The following REV1 variants were observed in gnomAD, a reference collection of about 807,000 sequenced individuals.
REV1 encodes translesion synthesis protein REV1.
A neutral mutation model predicts 137.4 loss-of-function variants in REV1; 42 were observed. That is an observed-to-expected ratio of 0.31 (90% confidence interval 0.24 to 0.40). The LOEUF (loss-of-function observed/expected upper bound fraction) is 0.40. Ranked by LOEUF, REV1 falls within the 10% of genes least tolerant of loss-of-function variation. REV1 has a pLI of 1.00. For missense variants in REV1, 1,282 were observed against 1,490.1 expected (o/e 0.86, Z 2.30); for synonymous variants, 524 against 519.2 (o/e 1.01, Z -0.12).
At chr2:99,444,121 T>C (rs1276500304) in intron 4 of REV1, among the ~76,000 whole-genome samples, 1 of 152,184 alleles carries the variant, frequency 6.6e-6, no homozygotes, top group African/African-American at 2.4e-5. Flanking sequence ...CGCCCAGCCC[T>C]TTTCTTCCTT....
intron 12 of REV1, among the ~76,000 whole-genome samples, 177 bp from the exon 13 acceptor site, chr2:99,413,128 G>T (rs750519867): frequency 1.3e-5 from 2 of 152,180 alleles, no homozygotes; most frequent in Non-Finnish European, 2.9e-5. Flanking sequence ...AATCATGCTA[G>T]TAGATGTATT....
Position 99,400,825 on chromosome 2 carries a change from C to T in REV1, c.*416G>A, listed in dbSNP as rs927475273. 2.6e-5 allele frequency: 4 copies of T among 153,920 alleles called. No individual in the cohort carries two copies. The highest frequency in any genetic ancestry group is 9.7e-5 in the African/African-American group (4 of 41,332). The allele number at this position is 153,920 out of a possible 1,614,324, so 9.5% of individuals were successfully genotyped here. On this transcript the variant is annotated 3_prime_UTR_variant, in exon 23 of 23. Coordinates refer to ENST00000258428, the MANE Select transcript of REV1 (RefSeq NM_016316.4). ...AACAAGTAGAATCCCGGTCTGAGAC[C>T]TCTCAGGAATTTCAGAGCTTAGCAG...
intron 1 of REV1, among the ~76,000 whole-genome samples, chr2:99,475,229 T>G (rs1559413044): frequency 3.9e-5 from 6 of 152,218 alleles, no homozygotes. Context: ...TGGTTTCCAT[T>G]GGCTGGAACG....
rs956032074 is a variant in REV1, at chr2:99,424,261, C to T, written c.1567G>A (p.Gly523Arg). 4.3e-6 allele frequency: 7 copies of T among 1,613,480 alleles called. No homozygotes were observed. Among genetic ancestry groups the T allele is most frequent in the Non-Finnish European group, 4.2e-6 (5 of 1,179,802 alleles). The change falls in exon 10 of 23, where the codon GGA (glycine) becomes AGA (arginine). Residue 523 changes from glycine to arginine, a missense_variant. By Grantham distance (125) the Gly-to-Arg change is moderately radical. Transcript: ENST00000258428. ...TGTTTAGCATGCCCAAAAAACATTC[C>T]GTTCTTAATGCCAAGTTGCCTAGAG... ...YEARQLGIKN[G>R]MFFGHAKQLC...
At chr2:99,467,430 C>A (rs1237070207) in intron 1 of REV1, among the ~76,000 whole-genome samples, 1 of 152,136 alleles carries the variant, frequency 6.6e-6, no homozygotes, top group Non-Finnish European at 1.5e-5. Context: ...TCCTATTGAT[C>A]CAGAAATCAA....
In REV1 at chr2:99,402,676, G is replaced by A; in HGVS notation, c.3509C>T (p.Thr1170Ile). The A allele has an allele frequency of 6.2e-7, 1 of 1,614,150 alleles. No individual in the cohort carries two copies. Among genetic ancestry groups the A allele is most frequent in the South Asian group, 1.1e-5 (1 of 91,082 alleles). The change falls in exon 21 of 23, where the codon ACC becomes ATC. Residue 1170 changes from threonine (T) to isoleucine (I), a missense_variant. Coordinates refer to ENST00000258428, the MANE Select transcript of REV1 (RefSeq NM_016316.4). Reference protein sequence around the residue: ...AGAVEFNDVKTLLREWITTIS... With the variant: ...AGAVEFNDVKILLREWITTIS... ...TGTAGTTATCCATTCTCTGAGCAAGGTCTTCACATCATTGAATTCAACAGC... is the reference window on the plus strand; with the variant it reads ...TGTAGTTATCCATTCTCTGAGCAAGATCTTCACATCATTGAATTCAACAGC...
At chr2:99,461,061 AG>A (rs1364598313) in intron 3 of REV1, among the ~76,000 whole-genome samples, 9 of 152,166 alleles carry the variant, frequency 5.9e-5, no homozygotes, top group African/African-American at 1.9e-4. Context: ...AGAGCATCTC[AG>A]GAAGTCCACA....
At chr2:99,422,689 A>G (rs1420792128) in intron 10 of REV1, among the ~76,000 whole-genome samples, 2 of 152,218 alleles carry the variant, frequency 1.3e-5, no homozygotes, top group Non-Finnish European at 2.9e-5. Context: ...TGGTAGAAGA[A>G]CACTACTGTG....
At chr2:99,462,737 A>C (rs1183919624) in intron 2 of REV1, 115 bp from the exon 3 acceptor site, 5 of 1,039,502 alleles carry the variant, frequency 4.8e-6, no homozygotes, top group Non-Finnish European at 7.1e-6. Flanking sequence ...TGTGCTAGTG[A>C]CCAGAACATA....
At position 99,404,493 on chromosome 2, in the gene REV1, G is replaced by A. The variant is rs1188131272; in HGVS notation, c.2996C>T (p.Ser999Leu). 7.4e-6 allele frequency: 12 copies of A among 1,614,104 alleles called. No homozygotes were observed. Among genetic ancestry groups the A allele is most frequent in the East Asian group, 4.5e-5 (2 of 44,884 alleles). The change falls in exon 18 of 23, where the codon TCG becomes TTG. Residue 999 changes from serine (S) to leucine (L), a missense_variant. Ser to Leu is a moderately radical substitution (Grantham distance 145, BLOSUM62 -2). This residue lies in a region of REV1 where 135 missense variants were observed against 123.3 expected (regional missense o/e 1.10). Transcript: ENST00000258428. The part of the protein sequence containing the change: ...VLLQIPEPQE[S>L]NSDAGINLIA... ...TAAATTTATTCCTGCGTCACTGTTC[G>A]ATTCTTGAGGTTCTGGTATTTGCAA...
At chr2:99,485,379 T>C (rs1009934606) in intron 1 of REV1, among the ~76,000 whole-genome samples, 7 of 152,364 alleles carry the variant, frequency 4.6e-5, no homozygotes, top group Admixed American at 6.5e-5. Context: ...TGGGTTACTT[T>C]AAGTTCCAAT....
At chr2:99,405,662 G>A (rs1240975412) in intron 17 of REV1, 1 of 324,378 alleles carries the variant, frequency 3.1e-6, no homozygotes, top group Non-Finnish European at 5.6e-6. Context: ...GTCCACAGGA[G>A]GACTGCCTTT....
chr2:99,488,732 G>A (rs983424509), intron 1 of REV1, among the ~76,000 whole-genome samples: 2 of 152,150 alleles, frequency 1.3e-5, no homozygotes, highest in Non-Finnish European at 2.9e-5. Context: ...GCTACATACA[G>A]AACTCCATAG....
chr2:99,437,067 C>T (rs1199553955), intron 6 of REV1, among the ~76,000 whole-genome samples: 1 of 150,568 alleles, frequency 6.6e-6, no homozygotes, highest in Admixed American at 6.6e-5. Flanking sequence ...GCAACCTCAA[C>T]CCCTAGGGCT....
At chr2:99,460,649 A>G (rs1684079101) in intron 3 of REV1, among the ~76,000 whole-genome samples, 1 of 152,154 alleles carries the variant, frequency 6.6e-6, no homozygotes, top group Non-Finnish European at 1.5e-5. Flanking sequence ...AGTATTCACT[A>G]AAACTTAATT....
At chr2:99,489,698 C>T (rs1469024210) in intron 1 of REV1, 119 bp downstream of exon 1, 1 of 149,608 alleles carries the variant, frequency 6.7e-6, no homozygotes, top group Non-Finnish European at 1.5e-5. Context: ...ACCCCTCCCC[C>T]GCGCCACCTC....
intron 4 of REV1, among the ~76,000 whole-genome samples, chr2:99,446,390 A>G (rs1345454271): frequency 6.6e-6 from 1 of 152,226 alleles, no homozygotes; most frequent in Non-Finnish European, 1.5e-5. Context: ...CATTAAAGTG[A>G]ATTTTAACTA....
intron 22 of REV1, 145 bp downstream of exon 22, chr2:99,402,099 T>C: frequency 1.9e-6 from 1 of 538,478 alleles, no homozygotes; most frequent in African/African-American, 2.0e-5. Flanking sequence ...ATTTGCTACT[T>C]AGTCAACATG....
chr2:99,429,575 A>G (rs561502626), intron 9 of REV1, among the ~76,000 whole-genome samples: 9 of 152,106 alleles, frequency 5.9e-5, no homozygotes, highest in Non-Finnish European at 7.4e-5. Flanking sequence ...TCTTCAAAAG[A>G]CAGTAAAAAC....
Sources: allele counts gnomAD v4.1 joint callset (sites outside exome capture counted in the v4.1 genomes callset), GRCh38; gene constraint gnomAD v4.1.1; regional missense constraint gnomAD v4.1.1; transcripts MANE v1.5; gene names NCBI Gene and HGNC (gene_info 2026-07-23, HGNC 2026-07-21).